The following ZNF66 variants were observed in gnomAD, a reference collection of about 807,000 sequenced individuals.
ZNF66 encodes zinc finger protein 66.
ZNF66 carries 32 observed loss-of-function variants against 35.2 expected under a neutral mutation model. The observed-to-expected ratio is 0.91, with a 90% CI of 0.69 to 1.22. ZNF66 has a LOEUF of 1.22. Among genes scored for constraint, ZNF66 ranks in the 50% most tolerant of loss-of-function variants. ZNF66 has a pLI of 0.00. For missense variants in ZNF66, 666 were observed against 543.1 expected (o/e 1.23, Z -2.25); for synonymous variants, 231 against 181.3 (o/e 1.27, Z -2.20).
At chr19:20,778,300 C>T (rs1461198796) in intron 1 of ZNF66, among the ~76,000 whole-genome samples, 1 of 152,140 alleles carries the variant, frequency 6.6e-6, no homozygotes, top group East Asian at 1.9e-4. Context: ...CAGGGTTTCA[C>T]CATGTTGGCC....
rs566331591 is a variant in ZNF66 at position 20,807,915 on chromosome 19, CCTCA to C, written c.*599_*602del. 5.2e-4 allele frequency among the ~76,000 whole-genome samples: 79 copies of C among 152,306 alleles called. No individual in the cohort carries two copies. Among genetic ancestry groups the C allele is most frequent in the South Asian group, 2.3e-3 (11 of 4,830 alleles). Reference sequence around the variant, plus strand: ...TGAGCTGAAGCAGGGCGAGGCATTGCCTCACTCACGAAGCGCAAGGAGTCAGGGA... The same window carrying C: ...TGAGCTGAAGCAGGGCGAGGCATTGCCTCACGAAGCGCAAGGAGTCAGGGA... On this transcript the variant is annotated 3_prime_UTR_variant, in exon 4 of 4. Transcript: ENST00000344519.
In ZNF66 at chr19:20,807,038, C is replaced by A. The variant is rs751545995; in HGVS notation, c.1438C>A (p.Pro480Thr). The A allele has an allele frequency of 8.1e-6, 7 of 859,910 alleles. No homozygotes were observed. In the African/African-American group the frequency reaches 8.3e-5, roughly 10 times the overall value. 53.3% of individuals were successfully genotyped at this position (859,910 alleles called of 1,614,324 possible). The change falls in exon 4 of 4, where the codon CCT (proline) becomes ACT (threonine). Residue 480 changes from proline to threonine, a missense_variant. By Grantham distance (38) the Pro-to-Thr change is conservative. Coordinates refer to ENST00000344519, the MANE Select transcript of ZNF66 (RefSeq NM_001355197.2). ...CAAGAAAATTCATACTGGAGAGAAGCCTTACAAATGTGAAGAATGTGGCAA... is the reference window on the plus strand; with the variant it reads ...CAAGAAAATTCATACTGGAGAGAAGACTTACAAATGTGAAGAATGTGGCAA... ...KHKKIHTGEK[P>T]YKCEECGKAF...
chr19:20,806,161 C>G lies in ZNF66; in HGVS notation c.561C>G (p.Thr187=). 8 of 1,245,942 alleles carry G rather than the reference C, an allele frequency of 6.4e-6. No homozygotes were observed. Among genetic ancestry groups the G allele is most frequent in the East Asian group, 4.6e-5 (2 of 43,200 alleles). The allele number at this position is 1,245,942 out of a possible 1,614,324, so 77.2% of individuals were successfully genotyped here. ...GCAAAGCTTTTAACCGGTCCTCAAC[C>G]TTTACTACACATAAGAAAATTCATA... ...ECGKAFNRSS[T]FTTHKKIHTG... is the part of the protein sequence containing the mutation. The change falls in exon 4 of 4, where the codon ACC becomes ACG. Residue 187 remains threonine, a synonymous_variant. Transcript: ENST00000344519.
At chr19:20,797,901 G>A (rs1016611646) in intron 3 of ZNF66, among the ~76,000 whole-genome samples, 1 of 152,008 alleles carries the variant, frequency 6.6e-6, no homozygotes, top group African/African-American at 2.4e-5. Flanking sequence ...TGGGTGTTTT[G>A]GTTTTACTTA....
At chr19:20,786,668 T>C (rs564029103) in intron 1 of ZNF66, among the ~76,000 whole-genome samples, 1 of 64,918 alleles carries the variant, frequency 1.5e-5, no homozygotes, top group East Asian at 3.3e-4. Context: ...GTTACATCTT[T>C]ATCCTATTAA....
chr19:20,793,291 G>T (rs917631855), intron 2 of ZNF66, among the ~76,000 whole-genome samples: 1 of 145,450 alleles, frequency 6.9e-6, no homozygotes. Context: ...CCTACAAATT[G>T]AAAGTATTTT....
Position 20,805,939 on chromosome 19 carries a change from A to T in ZNF66, c.339A>T (p.Leu113Phe), listed in dbSNP as rs769708511. The change falls in exon 4 of 4, where the codon TTA becomes TTT. Residue 113 changes from leucine to phenylalanine, a missense_variant. Physicochemically the swap from Leu to Phe is conservative, Grantham distance 22. Transcript: ENST00000344519. ...HKKCGHDNLQLKKGCESVDKC... is the reference protein window; with the variant it reads ...HKKCGHDNLQFKKGCESVDKC... ...AATGTGGACATGATAATTTGCAGTT[A>T]AAAAAAGGCTGTGAAAGTGTGGATA... The T allele has an allele frequency of 2.3e-5, 16 of 687,262 alleles. No individual in the cohort carries two copies. 42.6% of individuals were successfully genotyped at this position (687,262 alleles called of 1,614,324 possible).
At position 20,805,887 on chromosome 19, in the gene ZNF66, A is replaced by G; in HGVS notation, c.287A>G (p.Gln96Arg). Residue 96 changes from glutamine to arginine, a missense_variant, in exon 4 of 4, where the codon CAA becomes CGA. Coordinates refer to ENST00000344519, the MANE Select transcript of ZNF66 (RefSeq NM_001355197.2). Reference sequence around the variant, plus strand: ...GAGCAGAGCATAAAAGATTCTTTCCAAAAACTGATACTGAGAAGGCATAAA... The same window carrying G: ...GAGCAGAGCATAAAAGATTCTTTCCGAAAACTGATACTGAGAAGGCATAAA... ...WPEQSIKDSF[Q>R]KLILRRHKKC... 1.5e-6 allele frequency: 1 copy of G among 655,276 alleles called. No individual in the cohort carries two copies. 40.6% of individuals were successfully genotyped at this position (655,276 alleles called of 1,614,324 possible).
intron 1 of ZNF66, among the ~76,000 whole-genome samples, chr19:20,789,316 A>T (rs1971315235): frequency 6.6e-6 from 1 of 152,154 alleles, no homozygotes; most frequent in South Asian, 2.1e-4. Context: ...TTTTGGTCTG[A>T]CTATACCTTG....
Position 20,806,737 on chromosome 19 carries a change from G to A in ZNF66, c.1137G>A (p.Lys379=), listed in dbSNP as rs904165054. 3 of 1,375,984 alleles carry A rather than the reference G, an allele frequency of 2.2e-6. No individual in the cohort carries two copies. Among genetic ancestry groups the A allele is most frequent in the Non-Finnish European group, 3.1e-6 (3 of 967,010 alleles). The allele number at this position is 1,375,984 out of a possible 1,614,324, so 85.2% of individuals were successfully genotyped here. A position where few individuals can be genotyped will look rare whatever the true frequency, so the allele number is the denominator to read the frequency against. The part of the protein sequence containing the change: ...YKCEECGEAF[K]YSCSLTAHKI... ...GTGAAGAATGTGGTGAAGCCTTTAA[G>A]TACTCCTGTTCCCTTACTGCACATA... The change falls in exon 4 of 4, where the codon AAG becomes AAA. Residue 379 remains lysine, a synonymous_variant. Coordinates refer to ENST00000344519, the MANE Select transcript of ZNF66 (RefSeq NM_001355197.2).
chr19:20,797,189 A>ATTTTTTTTTTTTTTTTTTTTTTTT (rs142052913), intron 3 of ZNF66, among the ~76,000 whole-genome samples: 1 of 45,440 alleles, frequency 2.2e-5, no homozygotes, highest in Non-Finnish European at 4.1e-5. Context: ...TGCATGCTAG[A>ATTTTTTTTTTTTTTTTTTTTTTTT]TTTTTTTTTT....
In ZNF66 at chr19:20,776,385, C is replaced by T; in HGVS notation, c.-63C>T. 2 of 1,534,430 alleles carry T rather than the reference C, an allele frequency of 1.3e-6. No individual in the cohort carries two copies. The highest frequency in any genetic ancestry group is 2.2e-5 in the South Asian group (2 of 89,522). On this transcript the variant is annotated 5_prime_UTR_variant, in exon 1 of 4. Transcript: ENST00000344519. ...TCCTAGAGGCCCAGCCTCTGTGGCCCTGTGTCCTGCAGGTATTGGGAGATC... is the reference window on the plus strand; with the variant it reads ...TCCTAGAGGCCCAGCCTCTGTGGCCTTGTGTCCTGCAGGTATTGGGAGATC...
At chr19:20,793,327 C>CTTTTTTTTTTTTTTTTTTTTTTTTT (rs879637768) in intron 2 of ZNF66, among the ~76,000 whole-genome samples, 1 of 74,724 alleles carries the variant, frequency 1.3e-5, no homozygotes, top group African/African-American at 4.9e-5. Context: ...CTTTTCTTTT[C>CTTTTTTTTTTTTTTTTTTTTTTTTT]TTTTCTTTTT....
chr19:20,806,227 C>T lies in ZNF66; in HGVS notation c.627C>T (p.Ala209=), dbSNP rs772683355. The change falls in exon 4 of 4, where the codon GCC becomes GCT. Residue 209 remains alanine, a synonymous_variant. Transcript: ENST00000344519. ...ATAAATGTATAGAATGTGGCAAAGCCTTCAACCGGTCCTCACACCTTACTA... is the reference window on the plus strand; with the variant it reads ...ATAAATGTATAGAATGTGGCAAAGCTTTCAACCGGTCCTCACACCTTACTA... ...KPYKCIECGK[A]FNRSSHLTTH... The T allele has an allele frequency of 7.1e-7, 1 of 1,410,556 alleles. No individual in the cohort carries two copies. The highest frequency in any genetic ancestry group is 1.2e-5 in the South Asian group (1 of 86,746). The allele number at this position is 1,410,556 out of a possible 1,614,324, so 87.4% of individuals were successfully genotyped here.
rs8106412 is a variant in ZNF66, at chr19:20,776,313, T to G, written c.-135T>G. On this transcript the variant is annotated 5_prime_UTR_variant, in exon 1 of 4. Coordinates refer to ENST00000344519, the MANE Select transcript of ZNF66 (RefSeq NM_001355197.2). ...ATTTGGCGGGGTCTTTGTCTCTCCC[T>G]GCAGCTGGAGCTCCAGGTCGTCTGT... 732,921 of 1,392,604 alleles carry G rather than the reference T, an allele frequency of 0.53. 193,746 individuals carry two copies. Among genetic ancestry groups the G allele is most frequent in the East Asian group, 0.6 (25,871 of 43,146 alleles). 86.3% of individuals were successfully genotyped at this position (1,392,604 alleles called of 1,614,324 possible). A position where few individuals can be genotyped will look rare whatever the true frequency, so the allele number is the denominator to read the frequency against.
intron 1 of ZNF66, among the ~76,000 whole-genome samples, chr19:20,777,523 C>T (rs1048866556): frequency 4.7e-5 from 7 of 148,880 alleles, no homozygotes; most frequent in African/African-American, 1.7e-4. Flanking sequence ...TTGCCTGCCA[C>T]TTAATTATTT....
chr19:20,793,330 T>TC (rs1289971209), intron 2 of ZNF66, among the ~76,000 whole-genome samples: 1 of 124,580 alleles, frequency 8.0e-6, no homozygotes, highest in Non-Finnish European at 1.7e-5. Context: ...TTCTTTTCTT[T>TC]TCTTTTTTTT....
chr19:20,799,904 G>T (rs548831624), intron 3 of ZNF66, among the ~76,000 whole-genome samples: 15 of 152,160 alleles, frequency 9.9e-5, no homozygotes, highest in African/African-American at 2.4e-4. Context: ...ATGTTGAAGA[G>T]TGTGTTTCAT....
chr19:20,806,542 A>G lies in ZNF66; in HGVS notation c.942A>G (p.Lys314=). 2 of 1,541,158 alleles carry G rather than the reference A, an allele frequency of 1.3e-6. No individual in the cohort carries two copies. The highest frequency in any genetic ancestry group is 1.1e-5 in the South Asian group (1 of 89,580). Reference sequence around the variant, plus strand: ...TTCATACTGGAGAGAAACCCTACAAATGTGAAGAATGTGGTAAAGCCTTCA... The same window carrying G: ...TTCATACTGGAGAGAAACCCTACAAGTGTGAAGAATGTGGTAAAGCCTTCA... ...KIIHTGEKPY[K]CEECGKAFNW... is the part of the protein sequence containing the mutation. The change falls in exon 4 of 4, where the codon AAA becomes AAG. Residue 314 remains lysine, a synonymous_variant. Coordinates refer to ENST00000344519, the MANE Select transcript of ZNF66 (RefSeq NM_001355197.2).
Sources: gnomAD v4.1 joint callset for allele counts (sites outside exome capture counted in the v4.1 genomes callset) on GRCh38, gnomAD v4.1.1 for gene constraint, MANE v1.5 for transcripts, NCBI Gene and HGNC (gene_info 2026-07-23, HGNC 2026-07-21) for gene names.